The following STARD13 variants were observed in gnomAD, a reference collection of about 807,000 sequenced individuals.
STARD13 encodes the protein StAR related lipid transfer domain containing 13.
Under a neutral mutation model 106.4 loss-of-function variants are expected in STARD13, and 62 were observed. The ratio of observed to expected loss-of-function variants is 0.58; its 90% CI spans 0.48 to 0.72. The LOEUF is 0.72. Ranked by LOEUF, STARD13 falls within the 30% of genes least tolerant of loss-of-function variation. The pLI is 0.00. For synonymous variants in STARD13, 565 were observed against 553.0 expected, an observed-to-expected ratio of 1.02 and a Z score of -0.31; for missense variants, 1,387 against 1,424.0, an observed-to-expected ratio of 0.97 and a Z score of 0.42.
At chr13:33,434,090 C>T in the STARD13 span, among the ~76,000 whole-genome samples, 9 of 152,240 alleles carry the variant, frequency 5.9e-5, no homozygotes, top group Non-Finnish European at 1.2e-4. Context: ...CTGTGGCTCA[C>T]GCCTGTAATC....
At chr13:33,501,639 G>A in the STARD13 span, among the ~76,000 whole-genome samples, 2 of 152,086 alleles carry the variant, frequency 1.3e-5, no homozygotes, top group Admixed American at 1.3e-4. Flanking sequence ...TATTAAATAG[G>A]GAATCTTTTT....
At chr13:33,537,063 CATT>C in the STARD13 span, among the ~76,000 whole-genome samples, 352 of 152,290 alleles carry the variant, frequency 2.3e-3, no homozygotes, top group African/African-American at 8.2e-3. Flanking sequence ...TTTCAGGATT[CATT>C]AAATAGCAGC....
At chr13:33,464,303 A>C in the STARD13 span, among the ~76,000 whole-genome samples, 2 of 152,086 alleles carry the variant, frequency 1.3e-5, no homozygotes, top group Non-Finnish European at 2.9e-5. Context: ...AATATTTTTA[A>C]AAGATTTTTC....
exon 1 of STARD13, chr13:33,350,586 G>A (rs2078067539): frequency 4.3e-6 from 6 of 1,388,830 alleles, no homozygotes; most frequent in Admixed American, 6.3e-5. Context: ...CGCCACGCGC[G>A]AGGACCGGGA....
the STARD13 span, among the ~76,000 whole-genome samples, chr13:33,397,831 A>C: frequency 6.6e-6 from 1 of 152,182 alleles, no homozygotes; most frequent in Non-Finnish European, 1.5e-5. Flanking sequence ...AGATTCAGTG[A>C]CTGACCCACT....
chr13:33,165,587 T>C (rs948079872), intron 2 of STARD13, among the ~76,000 whole-genome samples, 169 bp from the exon 3 acceptor site: 1 of 152,218 alleles, frequency 6.6e-6, no homozygotes, highest in African/African-American at 2.4e-5. Flanking sequence ...CTGTAAATGC[T>C]TTTAGGAGTA....
the STARD13 span, among the ~76,000 whole-genome samples, chr13:33,397,074 G>C: frequency 6.6e-6 from 1 of 152,200 alleles, no homozygotes. Flanking sequence ...ATCTGTAGAG[G>C]ATCTCCTTGA....
At chr13:33,545,946 A>C in the STARD13 span, among the ~76,000 whole-genome samples, 2 of 152,254 alleles carry the variant, frequency 1.3e-5, no homozygotes, top group African/African-American at 4.8e-5. Context: ...ATTCCTTTAT[A>C]GAAAAATAAA....
At chr13:33,372,740 G>A in the STARD13 span, among the ~76,000 whole-genome samples, 7 of 151,590 alleles carry the variant, frequency 4.6e-5, no homozygotes, top group African/African-American at 1.5e-4. Context: ...AAAGCAAAAA[G>A]GCCAGAGGGT....
At chr13:33,385,467 TA>T in the STARD13 span, among the ~76,000 whole-genome samples, 14,809 of 76,440 alleles carry the variant, frequency 0.19, 1,799 homozygotes, top group African/African-American at 0.43. Context: ...CCCAGAATGG[TA>T]AAAAAAAAAA....
At chr13:33,621,306 AG>A in the STARD13 span, among the ~76,000 whole-genome samples, 1 of 152,116 alleles carries the variant, frequency 6.6e-6, no homozygotes, top group Non-Finnish European at 1.5e-5. Flanking sequence ...ATTAGAAAAA[AG>A]TTTCTTTTAA....
the STARD13 span, among the ~76,000 whole-genome samples, chr13:33,624,619 G>A: frequency 6.6e-6 from 1 of 152,202 alleles, no homozygotes; most frequent in African/African-American, 2.4e-5. Flanking sequence ...AAAGAACAAC[G>A]GACACTCAGA....
At chr13:33,509,342 T>C in the STARD13 span, among the ~76,000 whole-genome samples, 1 of 152,154 alleles carries the variant, frequency 6.6e-6, no homozygotes, top group East Asian at 1.9e-4. Context: ...CCATTGGCCT[T>C]TAGGATGTGT....
intron 1 of STARD13, among the ~76,000 whole-genome samples, chr13:33,329,199 C>T (rs1377740232): frequency 6.6e-6 from 1 of 152,170 alleles, no homozygotes; most frequent in East Asian, 1.9e-4. Flanking sequence ...CTATGTACCC[C>T]TAAAATCATT....
chr13:33,558,863 T>G, the STARD13 span, among the ~76,000 whole-genome samples: 7 of 151,590 alleles, frequency 4.6e-5, no homozygotes, highest in Non-Finnish European at 1.0e-4. Context: ...TCTCCCAATA[T>G]TAGAGTTTTA....
chr13:33,518,644 G>A, the STARD13 span, among the ~76,000 whole-genome samples: 7 of 152,008 alleles, frequency 4.6e-5, no homozygotes, highest in Non-Finnish European at 1.0e-4. Flanking sequence ...AGGGTGGGGA[G>A]GATGATAGGG....
chr13:33,113,729 G>A (rs1874957859), intron 8 of STARD13, among the ~76,000 whole-genome samples: 2 of 152,208 alleles, frequency 1.3e-5, no homozygotes, highest in African/African-American at 4.8e-5. Flanking sequence ...CATTACCCTT[G>A]AGGGTGGTCC....
At chr13:33,166,938 G>T (rs867035831) in intron 2 of STARD13, among the ~76,000 whole-genome samples, 1 of 150,816 alleles carries the variant, frequency 6.6e-6, no homozygotes, top group Non-Finnish European at 1.5e-5. Flanking sequence ...AGGTTGCAGC[G>T]AGTGGAGATT....
At chr13:33,530,517 T>G in the STARD13 span, among the ~76,000 whole-genome samples, 1 of 152,230 alleles carries the variant, frequency 6.6e-6, no homozygotes, top group South Asian at 2.1e-4. Context: ...TGTTATAGTT[T>G]ATCTGTTGAA....
Sources: gnomAD v4.1 joint callset for allele counts (sites outside exome capture counted in the v4.1 genomes callset) on GRCh38, gnomAD v4.1.1 for gene constraint, MANE v1.5 for transcripts, NCBI Gene and HGNC (gene_info 2026-07-23, HGNC 2026-07-21) for gene names.